ITGA7: variants seen among roughly 807,000 people sequenced by gnomAD.
ITGA7 encodes the protein integrin subunit alpha 7, also known as integrin alpha-7.
Under a neutral mutation model 131.6 loss-of-function variants are expected in ITGA7, and 84 were observed. The ratio of observed to expected loss-of-function variants is 0.64; its 90% CI spans 0.54 to 0.77. ITGA7 has a LOEUF of 0.77. Among genes scored for constraint, ITGA7 ranks in the 30% least tolerant of loss-of-function variants. The pLI is 0.00. For synonymous variants in ITGA7, 548 were observed against 600.7 expected (o/e 0.91, Z 1.28); for missense variants, 1,399 against 1,482.9 (o/e 0.94, Z 0.93).
chr12:55,697,092 A>T, intron 11 of ITGA7, 24 bp from the exon 12 acceptor site: 1 of 1,609,654 alleles, frequency 6.2e-7, no homozygotes, highest in Non-Finnish European at 8.5e-7. Flanking sequence ...GGAAAGGAGG[A>T]GCTGCTGAGC....
rs1260695707 is a variant in ITGA7, at chr12:55,697,828, G to A, written c.1282-6C>T. 1 of 1,614,082 alleles carries A rather than the reference G, an allele frequency of 6.2e-7. No homozygotes were observed. Among genetic ancestry groups the A allele is most frequent in the Admixed American group, 1.7e-5 (1 of 59,996 alleles). On this transcript the variant is annotated splice_region_variant and splice_polypyrimidine_tract_variant and intron_variant, in intron 8 of 24. Transcript: ENST00000257879. ...ACAGCCTCGCCCTCCAGCACCTAGA[G>A]AACCAGCTGTCAGCCTCCCTCAATC...
chr12:55,698,778 C>T lies in ITGA7; in HGVS notation c.930G>A (p.Met310Ile). ...DSASRLVPEV[M>I]LSGERLTSGF... ...CGGAGGTCAGGCGCTCCCCAGACAG[C>T]ATAACCTCGGGCACCAGGCGACTGG... is the stretch of plus-strand genomic sequence containing the variant. The change falls in exon 6 of 25, where the codon ATG becomes ATA. Residue 310 changes from methionine (M) to isoleucine (I), a missense_variant. Physicochemically the swap from Met to Ile is conservative, Grantham distance 10 (BLOSUM62 1). Transcript: ENST00000257879. 1 of 1,614,192 alleles carries T rather than the reference C, an allele frequency of 6.2e-7. No homozygotes were observed.
chr12:55,716,288 G>A, upstream of ITGA7: 1 of 1,518,508 alleles, frequency 6.6e-7, no homozygotes, highest in Non-Finnish European at 8.8e-7. Context: ...CATATCCAGG[G>A]AAAGACGCCA....
At position 55,684,923 on chromosome 12, in the gene ITGA7, T is replaced by C; in HGVS notation, c.*135A>G. Reference sequence around the variant, plus strand: ...GAGGAGTTCTTGTGGGTGGGAGAGGTCTGTGCCCCTGAGGAAGCCGATCCT... The same window carrying C: ...GAGGAGTTCTTGTGGGTGGGAGAGGCCTGTGCCCCTGAGGAAGCCGATCCT... On this transcript the variant is annotated 3_prime_UTR_variant, in exon 25 of 25. Coordinates refer to ENST00000257879, the MANE Select transcript of ITGA7 (RefSeq NM_002206.3). 2 of 696,994 alleles carry C rather than the reference T, an allele frequency of 2.9e-6. No individual in the cohort carries two copies. The highest frequency in any genetic ancestry group is 4.7e-6 in the Non-Finnish European group (2 of 425,236). 43.2% of individuals were successfully genotyped at this position (696,994 alleles called of 1,614,324 possible).
At chr12:55,715,937 T>C (rs1876476535), upstream of ITGA7, 9 of 1,309,128 alleles carry the variant, frequency 6.9e-6, no homozygotes, top group South Asian at 1.6e-5. Flanking sequence ...AAGCTCCCAA[T>C]AAAGAACACT....
intron 4 of ITGA7, chr12:55,700,286 G>A (rs750316122): frequency 1.9e-6 from 3 of 1,608,158 alleles, no homozygotes; most frequent in Non-Finnish European, 2.5e-6. Flanking sequence ...GCAGGGACCG[G>A]GATGAGGCGG....
chr12:55,688,722 C>CA (rs35887029), intron 22 of ITGA7, 122 bp downstream of exon 22: 18,868 of 604,532 alleles, frequency 0.031, no homozygotes, highest in Middle Eastern at 0.041. Context: ...GACTCCGTCT[C>CA]AAAAAAAAAA....
intron 5 of ITGA7, 30 bp from the exon 6 acceptor site, chr12:55,698,947 T>C: frequency 6.4e-7 from 1 of 1,573,418 alleles, no homozygotes; most frequent in Non-Finnish European, 8.6e-7. Context: ...CCCCTAAGTC[T>C]TCACCCCAAG....
Position 55,694,762 on chromosome 12 carries a change from G to T in ITGA7, c.2196+16C>A. 6.2e-7 allele frequency: 1 copy of T among 1,613,790 alleles called. No individual in the cohort carries two copies. ...GCCCCTCAAGACCCCACCCCATCCT[G>T]CCCCCAGGTCCTCACCGCAGGGTCC... On this transcript the variant is annotated intron_variant, in intron 15 of 24. Transcript: ENST00000257879. The surrounding 1 kb of genome is among the most constrained non-coding windows in gnomAD (Gnocchi z 5.3).
rs1870709032 is a variant in ITGA7, at chr12:55,688,369, G to A, written c.2959-69C>T. 4.5e-6 allele frequency: 5 copies of A among 1,106,926 alleles called. No homozygotes were observed. The Admixed American group carries it at 7.3e-5, about 16-fold the overall frequency. The allele number at this position is 1,106,926 out of a possible 1,614,324, so 68.6% of individuals were successfully genotyped here. On this transcript the variant is annotated intron_variant, in intron 22 of 24. Transcript: ENST00000257879. ...TCTCCCTCCCTTCCCCTTACCTCCTGAAATTATAAATGTAATGGTGCCCAA... is the reference window on the plus strand; with the variant it reads ...TCTCCCTCCCTTCCCCTTACCTCCTAAAATTATAAATGTAATGGTGCCCAA...
chr12:55,692,892 C>A lies in ITGA7; in HGVS notation c.2796G>T (p.Met932Ile). 6.2e-7 allele frequency: 1 copy of A among 1,614,138 alleles called. No homozygotes were observed. Among genetic ancestry groups the A allele is most frequent in the Non-Finnish European group, 8.5e-7 (1 of 1,180,010 alleles). The change falls in exon 21 of 25, where the codon ATG becomes ATT. Residue 932 changes from methionine (M) to isoleucine (I), a missense_variant. Physicochemically the swap from Met to Ile is conservative, Grantham distance 10. Coordinates refer to ENST00000257879, the MANE Select transcript of ITGA7 (RefSeq NM_002206.3). ...QEPGERQEPS[M>I]SWWPVSSAEK... is the part of the protein sequence containing the mutation. ...CAGCAGAGGACACTGGCCACCAGGA[C>A]ATGCTGGGCTCCTGCCGCTCACCAG... is the stretch of plus-strand genomic sequence containing the variant.
In ITGA7 at chr12:55,700,406, A is replaced by G. The variant is rs1289353065; in HGVS notation, c.671-417T>C. Reference sequence around the variant, plus strand: ...ACCCTGGCCGTGCCTGCAAGGACAGACCTGTTAGTGCCCAGGGCAGGGCGC... The same window carrying G: ...ACCCTGGCCGTGCCTGCAAGGACAGGCCTGTTAGTGCCCAGGGCAGGGCGC... On this transcript the variant is annotated intron_variant, in intron 4 of 24. Transcript: ENST00000257879. 11 of 1,598,640 alleles carry G rather than the reference A, an allele frequency of 6.9e-6. No individual in the cohort carries two copies. The African/African-American group carries it at 1.5e-4, about 22-fold the overall frequency.
chr12:55,700,945 A>G lies in ITGA7; in HGVS notation c.624T>C (p.Asp208=). The change falls in exon 4 of 25, where the codon GAT becomes GAC. Residue 208 remains aspartate (D), a synonymous_variant. Coordinates refer to ENST00000257879, the MANE Select transcript of ITGA7 (RefSeq NM_002206.3). ...QQGTAAAFSP[D]SHYLLFGAPG... ...GGGCCCCAAAGAGGAGGTAGTGGCT[A>G]TCAGGGGAGAAGGCGGCAGCTGTGC... 6.2e-7 allele frequency: 1 copy of G among 1,614,208 alleles called. No homozygotes were observed. Among genetic ancestry groups the G allele is most frequent in the Non-Finnish European group, 8.5e-7 (1 of 1,180,020 alleles).
In ITGA7 at chr12:55,694,341, G is replaced by A; in HGVS notation, c.2358-11C>T. On this transcript the variant is annotated splice_polypyrimidine_tract_variant and intron_variant, in intron 17 of 24. Transcript: ENST00000257879. The surrounding 1 kb of genome is among the most constrained non-coding windows in gnomAD (Gnocchi z 5.3). ...TCCTGCTCACTGATCCTGGTGAGTG[G>A]GCAGGGGCAAGTATGGGCATCAGGC... 7.4e-6 allele frequency: 12 copies of A among 1,613,672 alleles called. No individual in the cohort carries two copies. Among genetic ancestry groups the A allele is most frequent in the Non-Finnish European group, 1.0e-5 (12 of 1,179,956 alleles).
intron 1 of ITGA7, among the ~76,000 whole-genome samples, chr12:55,705,766 A>G (rs542657330): frequency 5.9e-5 from 9 of 152,382 alleles, no homozygotes; most frequent in South Asian, 4.1e-4. Flanking sequence ...TAGTAATACT[A>G]TGTTTATATC....
Position 55,694,108 on chromosome 12 carries a change from C to T in ITGA7, c.2448G>A (p.Gln816=), listed in dbSNP as rs142376332. Residue 816 remains glutamine, a synonymous_variant, in exon 19 of 25, where the codon CAG becomes CAA. Coordinates refer to ENST00000257879, the MANE Select transcript of ITGA7 (RefSeq NM_002206.3). This position sits in a 1 kb window ranked among gnomAD's most constrained non-coding sequence, Gnocchi z 5.3. ...TCACCACACCAGAGAAGAAGAGTTG[C>T]TGGGGAATGGCCATTCTGGCGTGGA... ...PLSIAGMAIP[Q]QLFFSGVVRG... The T allele has an allele frequency of 1.1e-4, 178 of 1,614,218 alleles. No homozygotes were observed. In the African/African-American group the frequency reaches 1.9e-3, roughly 18 times the overall value.
At chr12:55,696,234 T>C in intron 13 of ITGA7, 49 bp downstream of exon 13, 1 of 1,539,102 alleles carries the variant, frequency 6.5e-7, no homozygotes, top group South Asian at 1.2e-5. Flanking sequence ...GACCATGATC[T>C]TTGCCCTCCC....
intron 1 of ITGA7, among the ~76,000 whole-genome samples, chr12:55,705,936 G>A (rs1400819139): frequency 6.6e-6 from 1 of 152,176 alleles, no homozygotes; most frequent in East Asian, 1.9e-4. Flanking sequence ...AAAAGCTAGG[G>A]ACTGAGCAGG....
chr12:55,700,752 G>T, intron 4 of ITGA7, 147 bp downstream of exon 4: 3 of 1,026,172 alleles, frequency 2.9e-6, no homozygotes, highest in Non-Finnish European at 4.4e-6. Flanking sequence ...GTGTGCACTA[G>T]CTCAATGGGG....
Sources: gnomAD v4.1 joint callset for allele counts (sites outside exome capture counted in the v4.1 genomes callset) on GRCh38, gnomAD v4.1.1 for gene constraint, Gnocchi (gnomAD v3.1) non-coding constraint, MANE v1.5 for transcripts, NCBI Gene and HGNC (gene_info 2026-07-23, HGNC 2026-07-21) for gene names.